Variants in DNAJC1 observed in about 807,000 individuals in gnomAD.
The protein encoded by DNAJC1 is DnaJ heat shock protein family (Hsp40) member C1.
DNAJC1 carries 58 observed loss-of-function variants against 76.6 expected under a neutral mutation model. The observed-to-expected ratio is 0.76, with a 90% CI of 0.61 to 0.94. The LOEUF (loss-of-function observed/expected upper bound fraction) is 0.94. DNAJC1 is among the 40% of genes least tolerant of loss of function. DNAJC1 has a pLI of 0.00. For synonymous variants in DNAJC1, 258 were observed against 267.9 expected, an observed-to-expected ratio of 0.96 and a Z score of 0.36; for missense variants, 689 against 677.3, an observed-to-expected ratio of 1.02 and a Z score of -0.19.
intron 8 of DNAJC1, among the ~76,000 whole-genome samples, chr10:21,811,324 T>C (rs12569528): frequency 2.0e-5 from 3 of 152,224 alleles, no homozygotes; most frequent in East Asian, 3.8e-4. Context: ...GGAGGAAACA[T>C]ACTTCTCATT....
At chr10:21,834,465 C>T (rs542971110) in intron 8 of DNAJC1, among the ~76,000 whole-genome samples, 131 of 152,266 alleles carry the variant, frequency 8.6e-4, no homozygotes, top group Admixed American at 4.5e-3. Context: ...GAGTACCAGA[C>T]AGTAGGTGCA....
chr10:21,841,084 C>T (rs568171353), intron 8 of DNAJC1, among the ~76,000 whole-genome samples: 15 of 152,276 alleles, frequency 9.9e-5, no homozygotes, highest in Admixed American at 3.3e-4. Flanking sequence ...CTTCCTTACA[C>T]CTTATACAAA....
intron 8 of DNAJC1, among the ~76,000 whole-genome samples, chr10:21,860,001 C>A (rs1026905114): frequency 6.6e-6 from 1 of 151,932 alleles, no homozygotes; most frequent in Non-Finnish European, 1.5e-5. Context: ...CCAGGCTGGT[C>A]TCAAACTCCT....
intron 8 of DNAJC1, among the ~76,000 whole-genome samples, chr10:21,871,028 A>G (rs1590024621): frequency 1.3e-5 from 2 of 152,106 alleles, no homozygotes; most frequent in African/African-American, 4.8e-5. Context: ...CCTGGAAGAC[A>G]GGTTTAAAAG....
chr10:21,765,323 C>T (rs1834287158), intron 10 of DNAJC1, among the ~76,000 whole-genome samples: 1 of 152,134 alleles, frequency 6.6e-6, no homozygotes, highest in Middle Eastern at 3.2e-3. Flanking sequence ...CCGCCTCGGC[C>T]TCTAGAGTAG....
intron 1 of DNAJC1, among the ~76,000 whole-genome samples, chr10:21,957,116 T>C (rs1263320339): frequency 6.6e-6 from 1 of 151,988 alleles, no homozygotes; most frequent in Non-Finnish European, 1.5e-5. Context: ...GGTCTTGAAC[T>C]CCTGACCTCG....
intron 1 of DNAJC1, among the ~76,000 whole-genome samples, chr10:21,975,269 A>G (rs941419345): frequency 1.3e-5 from 2 of 152,126 alleles, no homozygotes; most frequent in Admixed American, 1.3e-4. Flanking sequence ...CCAGGTTATT[A>G]ATATCCCAAT....
intron 8 of DNAJC1, among the ~76,000 whole-genome samples, chr10:21,819,365 C>G (rs1006711787): frequency 2.6e-5 from 4 of 151,858 alleles, no homozygotes; most frequent in African/African-American, 9.7e-5. Flanking sequence ...CACGCCACTG[C>G]ACTCCATCCT....
intron 3 of DNAJC1, among the ~76,000 whole-genome samples, chr10:21,925,774 C>A (rs1421845371): frequency 6.6e-6 from 1 of 152,160 alleles, no homozygotes; most frequent in Non-Finnish European, 1.5e-5. Context: ...TTGCCTGGAG[C>A]TGGAGATCAG....
At chr10:21,778,937 CAGG>C (rs1471782608) in intron 9 of DNAJC1, among the ~76,000 whole-genome samples, 3 of 152,248 alleles carry the variant, frequency 2.0e-5, no homozygotes, top group Non-Finnish European at 4.4e-5. Flanking sequence ...AACGGCACAC[CAGG>C]AGATTATATT....
chr10:21,835,757 G>A (rs944575732), intron 8 of DNAJC1, among the ~76,000 whole-genome samples: 8 of 152,276 alleles, frequency 5.3e-5, no homozygotes, highest in Non-Finnish European at 1.0e-4. Context: ...GAAATGAAGC[G>A]AGAAGAGAAG....
chr10:21,827,605 C>T (rs78594207), intron 8 of DNAJC1, among the ~76,000 whole-genome samples: 7,269 of 152,242 alleles, frequency 0.048, 326 homozygotes, highest in African/African-American at 0.11. Context: ...ATTACTCCAA[C>T]CTCTGCTGCG....
intron 8 of DNAJC1, among the ~76,000 whole-genome samples, chr10:21,830,410 G>T (rs1315196956): frequency 6.6e-6 from 1 of 152,020 alleles, no homozygotes; most frequent in African/African-American, 2.4e-5. Flanking sequence ...GCACTTTGAG[G>T]ATATTTTCCT....
intron 8 of DNAJC1, among the ~76,000 whole-genome samples, chr10:21,843,249 T>C (rs572269470): frequency 6.6e-6 from 1 of 152,308 alleles, no homozygotes; most frequent in East Asian, 1.9e-4. Context: ...ATCCAAAACA[T>C]TTATTTAGCT....
intron 1 of DNAJC1, among the ~76,000 whole-genome samples, chr10:22,001,588 TA>T (rs1432570363): frequency 6.6e-6 from 1 of 152,220 alleles, no homozygotes; most frequent in African/African-American, 2.4e-5. Flanking sequence ...ACTGCCTAAT[TA>T]ACTATGCAAA....
chr10:21,875,626 C>G (rs189094764), intron 8 of DNAJC1, among the ~76,000 whole-genome samples: 2 of 152,050 alleles, frequency 1.3e-5, no homozygotes, highest in South Asian at 2.1e-4. Context: ...ACAGAGAAAC[C>G]ATTAGAATTA....
At chr10:21,846,025 A>G (rs139002233) in intron 8 of DNAJC1, among the ~76,000 whole-genome samples, 26 of 152,340 alleles carry the variant, frequency 1.7e-4, no homozygotes, top group African/African-American at 6.3e-4. Flanking sequence ...TTTAGTTATG[A>G]AAGATCTATA....
chr10:21,916,345 C>T lies in DNAJC1; in HGVS notation c.729+2434G>A, dbSNP rs191437745. 3.3e-3 allele frequency among the ~76,000 whole-genome samples: 505 copies of T among 152,092 alleles called. 2 individuals are homozygous for T. The highest frequency in any genetic ancestry group is 0.012 in the African/African-American group (487 of 41,498). ...TCTACTAAAAATACAAAAAATTAGC[C>T]GGGCGTGGTAGCGGGCGCCTGTAGT... On this transcript the variant is annotated intron_variant, in intron 6 of 11. Transcript: ENST00000376980.
intron 5 of DNAJC1, among the ~76,000 whole-genome samples, 192 bp downstream of exon 5, chr10:21,919,640 G>A (rs973036700): frequency 1.3e-5 from 2 of 151,800 alleles, no homozygotes; most frequent in African/African-American, 2.4e-5. Flanking sequence ...TTATATGGGG[G>A]AAAAAACCTG....
Sources: gnomAD v4.1 joint callset for allele counts (sites outside exome capture counted in the v4.1 genomes callset) on GRCh38, gnomAD v4.1.1 for gene constraint, MANE v1.5 for transcripts, NCBI Gene and HGNC (gene_info 2026-07-23, HGNC 2026-07-21) for gene names.